DIAPH2: variants seen among roughly 807,000 people sequenced by gnomAD.
DIAPH2 encodes the protein diaphanous related formin 2.
A neutral mutation model predicts 92.7 loss-of-function variants in DIAPH2; 35 were observed. The ratio of observed to expected loss-of-function variants is 0.38; its 90% CI spans 0.29 to 0.50. The LOEUF (loss-of-function observed/expected upper bound fraction) is 0.50. Among genes scored for constraint, DIAPH2 ranks in the 20% least tolerant of loss-of-function variants. The pLI is 0.94. For synonymous variants in DIAPH2, 301 were observed against 280.4 expected (o/e 1.07, Z -0.73); for missense variants, 701 against 819.5 (o/e 0.86, Z 1.77).
chrX:97,531,653 A>G (rs192421639), intron 26 of DIAPH2, among the ~76,000 whole-genome samples: 177 of 112,050 alleles, frequency 1.6e-3, no homozygotes, highest in Non-Finnish European at 2.3e-3. Context: ...TACTGAAGTA[A>G]ATTTTTAGGA....
chrX:96,935,302 G>C (rs1201811176), intron 10 of DIAPH2, among the ~76,000 whole-genome samples: 2 of 110,719 alleles, frequency 1.8e-5, no homozygotes, highest in Non-Finnish European at 3.8e-5. Flanking sequence ...ATATTTCAAG[G>C]CTTGACATTT....
At chrX:97,178,505 T>G (rs1341397115) in intron 22 of DIAPH2, among the ~76,000 whole-genome samples, 4 of 89,171 alleles carry the variant, frequency 4.5e-5, no homozygotes, top group Non-Finnish European at 8.4e-5. Flanking sequence ...CAGGCTGGAG[T>G]GCAGTGGCAC....
At chrX:96,898,552 C>G (rs1259872050) in intron 5 of DIAPH2, among the ~76,000 whole-genome samples, 1 of 100,439 alleles carries the variant, frequency 1.0e-5, no homozygotes, top group Non-Finnish European at 2.1e-5. Flanking sequence ...TCATGTCCTT[C>G]GCCCACTTTT....
chrX:96,728,100 A>G (rs1176419274), intron 1 of DIAPH2, among the ~76,000 whole-genome samples: 10 of 111,035 alleles, frequency 9.0e-5, no homozygotes, highest in Non-Finnish European at 1.7e-4. Flanking sequence ...ATATCATTTC[A>G]GATAACAGTT....
chrX:97,565,272 A>ATGG (rs778206939), intron 26 of DIAPH2, among the ~76,000 whole-genome samples: 1 of 112,057 alleles, frequency 8.9e-6, no homozygotes, highest in Non-Finnish European at 1.9e-5. Context: ...CATTTGTAAA[A>ATGG]TGGTTTTATA....
In DIAPH2 at chrX:97,141,633, T is replaced by C; in HGVS notation, c.2590-32T>C. 4 of 1,154,199 alleles carry C rather than the reference T, an allele frequency of 3.5e-6. No homozygotes were observed. In the Admixed American group the frequency reaches 1.2e-4, roughly 34 times the overall value. ...GTTTAAAAAAGTATTTACTAAAAAA[T>C]TACTAAAAAATGTGTTGTTGTTTTC... On this transcript the variant is annotated intron_variant, in intron 21 of 26. Transcript: ENST00000324765.
chrX:96,746,733 G>GA (rs75051767), intron 3 of DIAPH2, among the ~76,000 whole-genome samples: 23,460 of 108,660 alleles, frequency 0.22, 1,989 homozygotes, highest in East Asian at 0.32. Flanking sequence ...GTTTTGTAGA[G>GA]TGTGGGTCTT....
intron 25 of DIAPH2, among the ~76,000 whole-genome samples, chrX:97,393,291 A>G (rs183557748): frequency 4.5e-4 from 50 of 111,893 alleles, no homozygotes; most frequent in African/African-American, 1.6e-3. Context: ...GTTGCAAGCA[A>G]CAGATTGACT....
intron 4 of DIAPH2, among the ~76,000 whole-genome samples, chrX:96,786,203 A>G (rs959832905): frequency 1.8e-5 from 2 of 111,972 alleles, no homozygotes; most frequent in Non-Finnish European, 3.8e-5. Flanking sequence ...GAAACTTTAC[A>G]CTATTATGTA....
At chrX:96,921,804 T>A (rs1602631226) in intron 9 of DIAPH2, among the ~76,000 whole-genome samples, 1 of 109,511 alleles carries the variant, frequency 9.1e-6, no homozygotes, top group East Asian at 2.9e-4. Flanking sequence ...TCATTTTATG[T>A]ACATACATTC....
intron 17 of DIAPH2, among the ~76,000 whole-genome samples, chrX:97,048,771 A>G (rs1467457068): frequency 1.8e-5 from 2 of 111,282 alleles, no homozygotes; most frequent in African/African-American, 6.5e-5. Flanking sequence ...ATTTATTATT[A>G]GTATGAACTT....
chrX:96,888,178 A>C (rs187909935), intron 5 of DIAPH2, among the ~76,000 whole-genome samples: 2,466 of 109,105 alleles, frequency 0.023, 31 homozygotes, highest in Non-Finnish European at 0.035. Flanking sequence ...CTCCTGCCTC[A>C]GCCTCCTGAC....
rs766032073 is a variant in DIAPH2, at chrX:97,566,894, C to T, written c.3242-32359C>T. 8.1e-5 allele frequency among the ~76,000 whole-genome samples: 9 copies of T among 111,291 alleles called. No homozygotes were observed. The East Asian group carries it at 1.1e-3, about 14-fold the overall frequency. On this transcript the variant is annotated intron_variant, in intron 26 of 26. Coordinates refer to ENST00000324765, the MANE Select transcript of DIAPH2 (RefSeq NM_006729.5). ...ATTAGATCACAAAAGAGTATATAAA[C>T]GCTGATTATATCTATAATAATGTGT...
intron 26 of DIAPH2, among the ~76,000 whole-genome samples, chrX:97,481,064 T>C (rs1340774003): frequency 8.9e-6 from 1 of 111,979 alleles, no homozygotes; most frequent in Admixed American, 9.5e-5. Context: ...ATCTACCTCA[T>C]CAAGGCTTCG....
chrX:96,968,696 G>C (rs2065909114), intron 17 of DIAPH2, among the ~76,000 whole-genome samples: 1 of 112,170 alleles, frequency 8.9e-6, no homozygotes, highest in Non-Finnish European at 1.9e-5. Flanking sequence ...TGTTTATCCT[G>C]TTAATAGTTT....
chrX:97,341,172 A>G (rs951164211), intron 23 of DIAPH2: 1 of 108,251 alleles, frequency 9.2e-6, no homozygotes, highest in African/African-American at 3.4e-5. Flanking sequence ...TAAGGTCCAC[A>G]TTAACATGGT....
intron 25 of DIAPH2, among the ~76,000 whole-genome samples, chrX:97,385,218 A>T (rs1366706262): frequency 9.0e-6 from 1 of 111,194 alleles, no homozygotes; most frequent in African/African-American, 3.3e-5. Flanking sequence ...GCATGGTTGT[A>T]AGACTTTTAC....
At chrX:97,034,683 A>T (rs1218541353) in intron 17 of DIAPH2, among the ~76,000 whole-genome samples, 1 of 111,344 alleles carries the variant, frequency 9.0e-6, no homozygotes, top group Non-Finnish European at 1.9e-5. Flanking sequence ...GTATAAAAAA[A>T]CTAGATTCAG....
chrX:97,548,946 C>T (rs2071200134), intron 26 of DIAPH2, among the ~76,000 whole-genome samples: 1 of 112,071 alleles, frequency 8.9e-6, no homozygotes, highest in African/African-American at 3.2e-5. Context: ...TGGAATTTTG[C>T]AGTTATTTGT....
Sources: gnomAD v4.1 joint callset for allele counts (sites outside exome capture counted in the v4.1 genomes callset) on GRCh38, gnomAD v4.1.1 for gene constraint, MANE v1.5 for transcripts, NCBI Gene and HGNC (gene_info 2026-07-23, HGNC 2026-07-21) for gene names.